The following PAICS variants were observed in gnomAD, a reference collection of about 807,000 sequenced individuals.
PAICS encodes bifunctional phosphoribosylaminoimidazole carboxylase/phosphoribosylaminoimidazole succinocarboxamide synthetase.
A neutral mutation model predicts 53.7 loss-of-function variants in PAICS; 33 were observed. The ratio of observed to expected loss-of-function variants is 0.61; its 90% confidence interval spans 0.47 to 0.82. The LOEUF (loss-of-function observed/expected upper bound fraction) is 0.82, where lower values mean the gene tolerates loss of function less well. Among genes scored for constraint, PAICS ranks in the 40% least tolerant of loss-of-function variants. The pLI is 0.00. For synonymous variants in PAICS, 141 were observed against 167.2 expected (o/e 0.84, Z 1.21); for missense variants, 394 against 494.1 (o/e 0.80, Z 1.92).
the PAICS span, among the ~76,000 whole-genome samples, chr4:56,430,489 T>A: frequency 6.6e-6 from 1 of 152,122 alleles, no homozygotes; most frequent in African/African-American, 2.4e-5. Context: ...TCTACCACAG[T>A]GCCTTAGTAA....
At chr4:56,444,250 A>C (rs1718481935) in intron 2 of PAICS, among the ~76,000 whole-genome samples, 2 of 152,288 alleles carry the variant, frequency 1.3e-5, no homozygotes, top group African/African-American at 4.8e-5. Context: ...TATAAATAAG[A>C]AGTAATCTTT....
At chr4:56,432,677 C>T (rs947735146), upstream of PAICS, among the ~76,000 whole-genome samples, 5 of 150,670 alleles carry the variant, frequency 3.3e-5, no homozygotes, top group African/African-American at 9.8e-5. Flanking sequence ...CCCAGCTACT[C>T]GGGAGGCTGA....
chr4:56,455,860 G>A (rs1719165185), intron 8 of PAICS, among the ~76,000 whole-genome samples: 1 of 152,148 alleles, frequency 6.6e-6, no homozygotes, highest in Non-Finnish European at 1.5e-5. Context: ...GATGTGATGT[G>A]CTGAGTCTGT....
intron 5 of PAICS, among the ~76,000 whole-genome samples, chr4:56,450,159 C>T (rs572294753): frequency 5.9e-4 from 89 of 151,784 alleles, no homozygotes; most frequent in African/African-American, 1.8e-3. Flanking sequence ...CAACACACAC[C>T]GGGGCCTGTT....
In PAICS at chr4:56,463,703, A is replaced by AT. The variant is rs1719590607; in HGVS notation, c.*4165_*4166insT. 6.6e-6 allele frequency: 1 copy of AT among 152,052 alleles called. No homozygotes were observed. The highest frequency in any genetic ancestry group is 1.5e-5 in the Non-Finnish European group (1 of 68,108). 9.4% of individuals were successfully genotyped at this position (152,052 alleles called of 1,614,324 possible). On this transcript the variant is annotated 3_prime_UTR_variant, in exon 9 of 9. Coordinates refer to ENST00000512576, the MANE Select transcript of PAICS (RefSeq NM_001079524.2). ...AGCGAAAATCTGTCGCCAAAAAAAA[A>AT]AAAAAAAAGATACTGTACATGGAAG... is the stretch of plus-strand genomic sequence containing the variant.
chr4:56,411,034 A>G, the PAICS span: 4 of 609,030 alleles, frequency 6.6e-6, no homozygotes, highest in Non-Finnish European at 8.2e-6. Context: ...AAGACTGTGG[A>G]AAAATAACCA....
the PAICS span, among the ~76,000 whole-genome samples, chr4:56,411,599 T>C: frequency 6.6e-6 from 1 of 152,198 alleles, no homozygotes; most frequent in Non-Finnish European, 1.5e-5. Context: ...GGGAAATCAA[T>C]GACAGTAATG....
At chr4:56,437,756 G>A (rs1057137899) in intron 1 of PAICS, among the ~76,000 whole-genome samples, 2 of 148,004 alleles carry the variant, frequency 1.4e-5, no homozygotes, top group African/African-American at 5.0e-5. Context: ...GGGAGTCAGA[G>A]GCTGCAGTGA....
At chr4:56,443,143 T>G (rs1718421610) in intron 2 of PAICS, among the ~76,000 whole-genome samples, 2 of 152,184 alleles carry the variant, frequency 1.3e-5, no homozygotes, top group Admixed American at 1.3e-4. Flanking sequence ...TTGGGTTCCT[T>G]TTGCAATACC....
chr4:56,445,264 G>A (rs1212828855), intron 2 of PAICS, among the ~76,000 whole-genome samples: 2 of 147,322 alleles, frequency 1.4e-5, no homozygotes, highest in African/African-American at 4.9e-5. Flanking sequence ...TTACTTCTTT[G>A]AGCCTCTGTT....
chr4:56,430,514 C>A, the PAICS span, among the ~76,000 whole-genome samples: 52 of 152,200 alleles, frequency 3.4e-4, no homozygotes, highest in Middle Eastern at 3.4e-3. Context: ...CTTAGATGTA[C>A]ATTATTCCTA....
chr4:56,428,930 T>G, the PAICS span: 1 of 915,358 alleles, frequency 1.1e-6, no homozygotes, highest in Non-Finnish European at 1.3e-6. Context: ...TTCCTGTGTT[T>G]TTATTTAAGA....
At chr4:56,436,545 G>A (rs1578143775) in intron 1 of PAICS, 1 of 708,918 alleles carries the variant, frequency 1.4e-6, no homozygotes, top group African/African-American at 1.7e-5. Flanking sequence ...AACGAGAAAT[G>A]GCCAAGGGGT....
Position 56,460,526 on chromosome 4 carries a change from C to G in PAICS, c.*988C>G, listed in dbSNP as rs2110103625. The G allele has an allele frequency of 6.6e-6, 1 of 152,210 alleles. No individual in the cohort carries two copies. The highest frequency in any genetic ancestry group is 2.4e-5 in the African/African-American group (1 of 41,440). The allele number at this position is 152,210 out of a possible 1,614,324, so 9.4% of individuals were successfully genotyped here. A position where few individuals can be genotyped will look rare whatever the true frequency, so the allele number is the denominator to read the frequency against. ...TTCCAAGTTGATTGCCCAAGGACTT[C>G]TAACAATAAACTCTCTTTTGCACCA... is the stretch of plus-strand genomic sequence containing the variant. On this transcript the variant is annotated 3_prime_UTR_variant, in exon 9 of 9. Transcript: ENST00000512576.
At chr4:56,450,207 A>C (rs1433147756) in intron 5 of PAICS, among the ~76,000 whole-genome samples, 1 of 152,096 alleles carries the variant, frequency 6.6e-6, no homozygotes, top group African/African-American at 2.4e-5. Flanking sequence ...GCATTAGGAG[A>C]AATACCTAAT....
chr4:56,448,291 C>T (rs1270807870), intron 3 of PAICS, 127 bp from the exon 4 acceptor site: 6 of 601,756 alleles, frequency 1.0e-5, no homozygotes, highest in Non-Finnish European at 1.7e-5. Flanking sequence ...AGGCATGAGC[C>T]ACCATGCCCG....
upstream of PAICS, among the ~76,000 whole-genome samples, chr4:56,431,030 A>C (rs905983554): frequency 1.3e-5 from 2 of 152,180 alleles, no homozygotes; most frequent in Non-Finnish European, 2.9e-5. Flanking sequence ...GATTGAAAAC[A>C]CTTATTTTAA....
chr4:56,458,620 CT>C (rs1719345872), intron 8 of PAICS, among the ~76,000 whole-genome samples: 1 of 152,140 alleles, frequency 6.6e-6, no homozygotes, highest in Admixed American at 6.5e-5. Flanking sequence ...GTAAATTGGC[CT>C]TGTGATTTGT....
chr4:56,449,862 G>GCTTT (rs1209456210), intron 5 of PAICS, among the ~76,000 whole-genome samples: 1 of 150,558 alleles, frequency 6.6e-6, no homozygotes, highest in Non-Finnish European at 1.5e-5. Flanking sequence ...TGTAATCCCA[G>GCTTT]CTTCTCGGAA....
Sources: gnomAD v4.1 joint callset for allele counts (sites outside exome capture counted in the v4.1 genomes callset) on GRCh38, gnomAD v4.1.1 for gene constraint, MANE v1.5 for transcripts, NCBI Gene and HGNC (gene_info 2026-07-23, HGNC 2026-07-21) for gene names.